Variants in LGR5 observed in about 807,000 individuals in gnomAD.
LGR5 encodes the protein leucine rich repeat containing G protein-coupled receptor 5.
Under a neutral mutation model 76.7 loss-of-function variants are expected in LGR5, and 54 were observed. The ratio of observed to expected loss-of-function variants is 0.70; its 90% CI spans 0.57 to 0.88. The LOEUF is 0.88. Among genes scored for constraint, LGR5 ranks in the 40% least tolerant of loss-of-function variants. The probability of loss-of-function intolerance (pLI) is 0.00; values close to 1 mark genes in which losing one functional copy is unlikely to be tolerated. For synonymous variants in LGR5, 406 were observed against 421.9 expected (o/e 0.96, Z 0.46); for missense variants, 1,078 against 1,073.3 (o/e 1.00, Z -0.06).
upstream of LGR5, chr12:71,439,771 A>G (rs1211147156): frequency 1.7e-5 from 6 of 343,304 alleles, no homozygotes; most frequent in Non-Finnish European, 3.2e-5. Context: ...GAGCGCTTTA[A>G]AAAACGAGCG....
At chr12:71,571,730 C>T in intron 12 of LGR5, 151 bp downstream of exon 12, 1 of 579,152 alleles carries the variant, frequency 1.7e-6, no homozygotes. Context: ...GTGCAGTGTG[C>T]TTAGAAAGTT....
chr12:71,498,321 A>T (rs1446190422), intron 1 of LGR5, among the ~76,000 whole-genome samples: 2 of 137,814 alleles, frequency 1.5e-5, no homozygotes, highest in African/African-American at 5.2e-5. Context: ...CCATTTGTCC[A>T]GGCTGCTACA....
chr12:71,502,983 T>G (rs559245656), intron 1 of LGR5, among the ~76,000 whole-genome samples: 1 of 152,236 alleles, frequency 6.6e-6, no homozygotes. Flanking sequence ...TATGTCTTGA[T>G]GTCGAGACTG....
chr12:71,548,683 G>A (rs1458482921), intron 4 of LGR5, among the ~76,000 whole-genome samples: 1 of 152,134 alleles, frequency 6.6e-6, no homozygotes, highest in African/African-American at 2.4e-5. Flanking sequence ...TAAGATGGGA[G>A]TTATCCCTGT....
intron 1 of LGR5, among the ~76,000 whole-genome samples, chr12:71,479,627 T>A (rs1423082717): frequency 6.6e-6 from 1 of 151,782 alleles, no homozygotes; most frequent in East Asian, 1.9e-4. Context: ...TATTCTATAT[T>A]GGAAGATCAA....
At chr12:71,524,858 A>G (rs552734369) in intron 3 of LGR5, among the ~76,000 whole-genome samples, 1 of 152,266 alleles carries the variant, frequency 6.6e-6, no homozygotes, top group East Asian at 1.9e-4. Flanking sequence ...ACAGCTTCAA[A>G]CCGGTTTCAA....
chr12:71,527,865 G>T (rs944740989), intron 3 of LGR5, among the ~76,000 whole-genome samples: 19 of 152,172 alleles, frequency 1.2e-4, no homozygotes, highest in African/African-American at 4.6e-4. Flanking sequence ...AGCATCTTTG[G>T]TTGTCCAGAT....
chr12:71,507,106 C>A (rs943692087), intron 2 of LGR5, among the ~76,000 whole-genome samples: 3 of 152,134 alleles, frequency 2.0e-5, no homozygotes, highest in African/African-American at 7.2e-5. Context: ...TGAATTATAA[C>A]AACCCCAAAA....
chr12:71,454,331 G>A (rs970048475), intron 1 of LGR5, among the ~76,000 whole-genome samples: 1 of 152,136 alleles, frequency 6.6e-6, no homozygotes, highest in African/African-American at 2.4e-5. Context: ...ATCCAACATG[G>A]AAGAAACCGT....
intron 16 of LGR5, among the ~76,000 whole-genome samples, chr12:71,581,390 C>T (rs1258441643): frequency 6.6e-6 from 1 of 152,190 alleles, no homozygotes; most frequent in African/African-American, 2.4e-5. Context: ...CTTTGGGCAC[C>T]ACCCCCTGCC....
At chr12:71,492,122 T>C in intron 1 of LGR5, among the ~76,000 whole-genome samples, 1 of 152,180 alleles carries the variant, frequency 6.6e-6, no homozygotes, top group African/African-American at 2.4e-5. Flanking sequence ...TTCTGTCAGT[T>C]GAGGAGGAAG....
intron 16 of LGR5, among the ~76,000 whole-genome samples, chr12:71,581,856 C>T (rs1342316771): frequency 1.3e-5 from 2 of 152,176 alleles, no homozygotes; most frequent in African/African-American, 4.8e-5. Flanking sequence ...ACTCACATAG[C>T]AACTTTTAAA....
chr12:71,519,829 AAAT>A (rs958622137), intron 2 of LGR5, among the ~76,000 whole-genome samples: 17 of 151,410 alleles, frequency 1.1e-4, no homozygotes, highest in African/African-American at 4.1e-4. Context: ...TGTTTCAAAA[AAAT>A]AATAATAATA....
In LGR5 at chr12:71,510,481, C is replaced by A. The variant is rs1213413189; in HGVS notation, c.284+5796C>A. On this transcript the variant is annotated intron_variant, in intron 2 of 17. Transcript: ENST00000266674. ...CCCACCACCTATAAAATGTAGACAT[C>A]CCTCATATATTTCCACTTAACTTTA... Among the ~76,000 whole-genome samples the A allele has an allele frequency of 2.0e-5, 3 of 152,162 alleles. No homozygotes were observed. The East Asian group carries it at 5.8e-4, about 29-fold the overall frequency.
chr12:71,555,061 A>G (rs1877691356), intron 5 of LGR5, among the ~76,000 whole-genome samples: 1 of 152,016 alleles, frequency 6.6e-6, no homozygotes, highest in Non-Finnish European at 1.5e-5. Context: ...CCAATATCTT[A>G]TTTATTGTTT....
At chr12:71,472,664 C>A (rs1167755137) in intron 1 of LGR5, among the ~76,000 whole-genome samples, 1 of 152,176 alleles carries the variant, frequency 6.6e-6, no homozygotes, top group South Asian at 2.1e-4. Flanking sequence ...TAGGCAAAGC[C>A]TTTGTTTCAA....
chr12:71,452,542 T>G (rs1435067548), intron 1 of LGR5, among the ~76,000 whole-genome samples: 8 of 152,234 alleles, frequency 5.3e-5, no homozygotes, highest in Admixed American at 5.2e-4. Flanking sequence ...TATAATGTGA[T>G]GACAGAGAGA....
intron 1 of LGR5, among the ~76,000 whole-genome samples, chr12:71,483,807 GCATAAATAACATCAGT>G (rs1873713053): frequency 6.6e-6 from 1 of 152,038 alleles, no homozygotes; most frequent in African/African-American, 2.4e-5. Context: ...GAAGTGCTTA[GCATAAATAACATCAGT>G]TATGACTACT....
intron 4 of LGR5, 104 bp downstream of exon 4, chr12:71,535,290 C>T (rs1169066562): frequency 8.0e-6 from 6 of 751,732 alleles, no homozygotes; most frequent in Non-Finnish European, 1.4e-5. Context: ...GGGAGTCATA[C>T]CTAAATGTAT....
Sources: gnomAD v4.1 joint callset for allele counts (sites outside exome capture counted in the v4.1 genomes callset) on GRCh38, gnomAD v4.1.1 for gene constraint, MANE v1.5 for transcripts, NCBI Gene and HGNC (gene_info 2026-07-23, HGNC 2026-07-21) for gene names.